The following CSMD1 variants were observed in gnomAD, a reference collection of about 807,000 sequenced individuals.
The protein encoded by CSMD1 is CUB and Sushi multiple domains 1.
A neutral mutation model predicts 417.5 loss-of-function variants in CSMD1; 213 were observed. That is an observed-to-expected ratio of 0.51 (90% CI 0.46 to 0.57). The LOEUF is 0.57. Among genes scored for constraint, CSMD1 ranks in the 20% least tolerant of loss-of-function variants. CSMD1 has a pLI of 0.00. For synonymous variants in CSMD1, 2,862 were observed against 1,736.8 expected, an observed-to-expected ratio of 1.65 and a Z score of -16.11; for missense variants, 6,923 against 4,529.7, an observed-to-expected ratio of 1.53 and a Z score of -15.17.
intron 5 of CSMD1, among the ~76,000 whole-genome samples, chr8:3,992,092 G>C (rs553999802): frequency 1.9e-4 from 26 of 138,060 alleles, no homozygotes; most frequent in African/African-American, 6.5e-4. Context: ...CTGGTATGCA[G>C]AGTATCAAGA....
intron 5 of CSMD1, among the ~76,000 whole-genome samples, chr8:3,864,874 A>T (rs1804974365): frequency 6.6e-6 from 1 of 152,214 alleles, no homozygotes; most frequent in Non-Finnish European, 1.5e-5. Context: ...GAATTAAATA[A>T]TTAATTTCTT....
chr8:3,623,655 A>G (rs1459635678), intron 7 of CSMD1, among the ~76,000 whole-genome samples: 1 of 152,178 alleles, frequency 6.6e-6, no homozygotes, highest in African/African-American at 2.4e-5. Context: ...TTTATAAGAA[A>G]GAAAACTGAG....
At chr8:3,583,085 C>A (rs1390693161) in intron 9 of CSMD1, among the ~76,000 whole-genome samples, 1 of 152,150 alleles carries the variant, frequency 6.6e-6, no homozygotes, top group Non-Finnish European at 1.5e-5. Flanking sequence ...CAGCTTTGAC[C>A]TCTTCCTGGG....
intron 3 of CSMD1, among the ~76,000 whole-genome samples, chr8:4,334,456 C>G (rs1462679031): frequency 1.3e-5 from 2 of 152,170 alleles, no homozygotes; most frequent in Non-Finnish European, 2.9e-5. Context: ...ACTGCAACAT[C>G]AAACTCCTGA....
intron 10 of CSMD1, among the ~76,000 whole-genome samples, chr8:3,530,448 A>G (rs1042171011): frequency 6.6e-6 from 1 of 152,154 alleles, no homozygotes; most frequent in South Asian, 2.1e-4. Context: ...TAACTTCCAC[A>G]TATTTGTAAA....
rs767579097 is a variant in CSMD1 at position 4,398,388 on chromosome 8, C to CTTT, written c.415+21562_415+21564dup. 2.6e-3 allele frequency among the ~76,000 whole-genome samples: 292 copies of CTTT among 114,472 alleles called. 3 individuals are homozygous for CTTT. The highest frequency in any genetic ancestry group is 5.4e-3 in the Middle Eastern group (1 of 186). The allele number at this position is 114,472 out of a possible 152,430, so 75.1% of individuals were successfully genotyped here. ...TTTTTAAATTGTCTTGCTGCAACTT[C>CTTT]TTTTTTTTTTTTTTTTTTTTGTGAG... On this transcript the variant is annotated intron_variant, in intron 3 of 69. Coordinates refer to ENST00000635120, the MANE Select transcript of CSMD1 (RefSeq NM_033225.6).
At chr8:4,901,997 A>C (rs529290859) in intron 1 of CSMD1, among the ~76,000 whole-genome samples, 3 of 152,346 alleles carry the variant, frequency 2.0e-5, no homozygotes, top group South Asian at 4.1e-4. Context: ...ACATCATTTA[A>C]GAGGCTGTAA....
intron 25 of CSMD1, among the ~76,000 whole-genome samples, chr8:3,306,846 GAGCTTACTTTA>G (rs747960189): frequency 0.087 from 5,588 of 64,168 alleles, 233 homozygotes; most frequent in Admixed American, 0.19. Flanking sequence ...AAATATTACA[GAGCTTACTTTA>G]AAAATATTAC....
chr8:4,528,819 C>T (rs1008487133), intron 2 of CSMD1, among the ~76,000 whole-genome samples: 1 of 151,994 alleles, frequency 6.6e-6, no homozygotes, highest in African/African-American at 2.4e-5. Flanking sequence ...CACACACACA[C>T]ACCATGAAAA....
chr8:4,541,718 G>C (rs1276254453), intron 2 of CSMD1, among the ~76,000 whole-genome samples: 2 of 152,124 alleles, frequency 1.3e-5, no homozygotes, highest in Non-Finnish European at 2.9e-5. Context: ...CTGGGTGACA[G>C]AGTGAGACCC....
rs549262897 is a variant in CSMD1, at chr8:3,187,893, C to T, written c.5596G>A (p.Ala1866Thr). ...CCTGAGAAGCTTCCCAGTCTGGGTG[C>T]GGTCACATCCCCACCATCGTGGATC... Reference protein sequence around the residue: ...LEIHDGGDVTAPRLGSFSGTT... With the variant: ...LEIHDGGDVTTPRLGSFSGTT... The change falls in exon 36 of 70, where the codon GCA becomes ACA. Residue 1866 changes from alanine (A) to threonine (T), a missense_variant. Ala to Thr is a moderately conservative substitution (Grantham distance 58). Coordinates refer to ENST00000635120, the MANE Select transcript of CSMD1 (RefSeq NM_033225.6). 4.9e-5 allele frequency: 79 copies of T among 1,612,584 alleles called. No homozygotes were observed. Among genetic ancestry groups the T allele is most frequent in the Non-Finnish European group, 6.0e-5 (71 of 1,179,204 alleles).
intron 3 of CSMD1, among the ~76,000 whole-genome samples, chr8:4,161,342 G>A (rs762276481): frequency 1.3e-5 from 2 of 152,304 alleles, no homozygotes; most frequent in Middle Eastern, 3.4e-3. Context: ...TAAAATCCCG[G>A]TCTCTTTGAC....
chr8:4,118,086 A>C (rs950092221), intron 3 of CSMD1, among the ~76,000 whole-genome samples: 9 of 152,252 alleles, frequency 5.9e-5, no homozygotes, highest in African/African-American at 2.2e-4. Flanking sequence ...TGATTAGACA[A>C]ATTATAAGGC....
chr8:3,605,447 T>C (rs183726373), intron 8 of CSMD1, among the ~76,000 whole-genome samples: 170 of 152,276 alleles, frequency 1.1e-3, no homozygotes, highest in African/African-American at 4.0e-3. Flanking sequence ...AATGCAGCAA[T>C]ACTATAATAA....
chr8:3,064,084 TGAA>T (rs1381889044), intron 49 of CSMD1, among the ~76,000 whole-genome samples: 1 of 152,124 alleles, frequency 6.6e-6, no homozygotes, highest in Non-Finnish European at 1.5e-5. Context: ...CATTTACAGG[TGAA>T]GAAATGAAGC....
intron 2 of CSMD1, among the ~76,000 whole-genome samples, chr8:4,426,053 G>T (rs548986361): frequency 6.7e-6 from 1 of 149,508 alleles, no homozygotes; most frequent in South Asian, 2.1e-4. Context: ...AAATTTTACT[G>T]AAGAAAACTG....
At chr8:3,662,723 G>C (rs527991720) in intron 7 of CSMD1, among the ~76,000 whole-genome samples, 1 of 152,046 alleles carries the variant, frequency 6.6e-6, no homozygotes, top group African/African-American at 2.4e-5. Context: ...ATCATTCTCA[G>C]CAAACTGACA....
chr8:4,045,735 G>C (rs923291779), intron 3 of CSMD1, among the ~76,000 whole-genome samples: 1 of 152,186 alleles, frequency 6.6e-6, no homozygotes, highest in Non-Finnish European at 1.5e-5. Context: ...TAAAACGTGT[G>C]AACACCAGTG....
chr8:4,116,927 T>C (rs1222230526), intron 3 of CSMD1, among the ~76,000 whole-genome samples: 1 of 152,028 alleles, frequency 6.6e-6, no homozygotes, highest in African/African-American at 2.4e-5. Flanking sequence ...ATGTGTACCA[T>C]CCTTTGTCTT....
Sources: gnomAD v4.1 joint callset for allele counts (sites outside exome capture counted in the v4.1 genomes callset) on GRCh38, gnomAD v4.1.1 for gene constraint, MANE v1.5 for transcripts, NCBI Gene and HGNC (gene_info 2026-07-23, HGNC 2026-07-21) for gene names.